The following CNTN4 variants were observed in gnomAD, a reference collection of about 807,000 sequenced individuals.
CNTN4 encodes the protein contactin 4.
In CNTN4, 77 loss-of-function variants were observed where a neutral mutation model predicts 122.5. The ratio of observed to expected loss-of-function variants is 0.63; its 90% CI spans 0.52 to 0.76. CNTN4 has a LOEUF of 0.76. Among genes scored for constraint, CNTN4 ranks in the 30% least tolerant of loss-of-function variants. The probability of loss-of-function intolerance (pLI) is 0.00; values close to 1 mark genes in which losing one functional copy is unlikely to be tolerated. For missense variants in CNTN4, 1,256 were observed against 1,259.1 expected (o/e 1.00, Z 0.04); for synonymous variants, 512 against 447.0 (o/e 1.15, Z -1.83).
At position 2,780,518 on chromosome 3, in the gene CNTN4, A is replaced by C. The variant is rs145484522; in HGVS notation, c.358+34821A>C. Among the ~76,000 whole-genome samples, 958 of 152,354 alleles carry C rather than the reference A, an allele frequency of 6.3e-3. 5 individuals are homozygous for C. Among genetic ancestry groups the C allele is most frequent in the Non-Finnish European group, 0.01 (690 of 68,034 alleles). On this transcript the variant is annotated intron_variant, in intron 6 of 24. Coordinates refer to ENST00000418658, the MANE Select transcript of CNTN4 (RefSeq NM_175607.3). The stretch of plus-strand genomic sequence containing the variant: ...TTTTAAGTAGTTTCTCCAGAAAATA[A>C]TCTGGATTTTAAGCTTCTCTTAAAG...
intron 3 of CNTN4, among the ~76,000 whole-genome samples, chr3:2,548,435 C>G (rs1456537401): frequency 1.3e-5 from 2 of 152,124 alleles, no homozygotes; most frequent in East Asian, 3.9e-4. Flanking sequence ...ATAGGGAATC[C>G]TTTCCCCATT....
chr3:2,327,896 G>A (rs1161623904), intron 2 of CNTN4, among the ~76,000 whole-genome samples: 1 of 152,068 alleles, frequency 6.6e-6, no homozygotes, highest in Non-Finnish European at 1.5e-5. Context: ...AACAGCCAAA[G>A]CAGACCATAC....
intron 3 of CNTN4, among the ~76,000 whole-genome samples, chr3:2,516,745 A>G (rs1281140242): frequency 6.6e-6 from 1 of 152,148 alleles, no homozygotes; most frequent in Non-Finnish European, 1.5e-5. Flanking sequence ...GCAAAGGAAT[A>G]AAGTGTTTCT....
intron 3 of CNTN4, among the ~76,000 whole-genome samples, chr3:2,485,949 G>A (rs577789176): frequency 4.1e-4 from 63 of 152,286 alleles, no homozygotes; most frequent in South Asian, 3.7e-3. Flanking sequence ...GTGGCAACCC[G>A]CGCAGGTGCC....
At chr3:2,612,014 G>GA (rs139425821) in intron 4 of CNTN4, among the ~76,000 whole-genome samples, 105,177 of 151,654 alleles carry the variant, frequency 0.69, 37,348 homozygotes, top group African/African-American at 0.77. Flanking sequence ...AATATTCTCA[G>GA]GTGGTAACAT....
intron 7 of CNTN4, among the ~76,000 whole-genome samples, chr3:2,844,327 G>A (rs529451818): frequency 3.3e-5 from 5 of 152,176 alleles, no homozygotes; most frequent in African/African-American, 9.6e-5. Flanking sequence ...AGAATTTCAC[G>A]GTTGTACTTT....
chr3:2,169,499 C>CG (rs1317807471), intron 2 of CNTN4, among the ~76,000 whole-genome samples: 16 of 151,796 alleles, frequency 1.1e-4, no homozygotes, highest in African/African-American at 3.4e-4. Flanking sequence ...CTCCGCCTCC[C>CG]GGGTTCCCGC....
At chr3:2,677,201 C>CTCTCTA (rs1228341217) in intron 4 of CNTN4, among the ~76,000 whole-genome samples, 37 of 149,432 alleles carry the variant, frequency 2.5e-4, no homozygotes, top group Non-Finnish European at 1.3e-4. Context: ...ATATCTCTCT[C>CTCTCTA]TATATATGTA....
At chr3:2,716,474 G>A (rs1008220906) in intron 4 of CNTN4, among the ~76,000 whole-genome samples, 3 of 152,028 alleles carry the variant, frequency 2.0e-5, no homozygotes, top group South Asian at 4.2e-4. Context: ...AAACTGGGTA[G>A]TTCATAGATG....
At chr3:2,574,370 T>C (rs767273656) in intron 4 of CNTN4, among the ~76,000 whole-genome samples, 6 of 152,200 alleles carry the variant, frequency 3.9e-5, no homozygotes, top group Admixed American at 6.5e-5. Context: ...CCATAATTAG[T>C]GACTCTCACA....
chr3:2,301,293 T>G (rs2150071892), intron 2 of CNTN4, among the ~76,000 whole-genome samples: 1 of 152,372 alleles, frequency 6.6e-6, no homozygotes, highest in East Asian at 1.9e-4. Flanking sequence ...TGGTCTGCAT[T>G]ATATTTCTTC....
At chr3:2,192,839 T>A (rs1162569048) in intron 2 of CNTN4, among the ~76,000 whole-genome samples, 2 of 152,152 alleles carry the variant, frequency 1.3e-5, no homozygotes, top group African/African-American at 4.8e-5. Context: ...AAATAAATAA[T>A]GAGGTCAAAC....
intron 3 of CNTN4, among the ~76,000 whole-genome samples, chr3:2,487,795 A>G (rs1379880910): frequency 1.3e-5 from 2 of 152,170 alleles, no homozygotes; most frequent in Admixed American, 6.5e-5. Context: ...CCAATCTCCT[A>G]TTGTATTTGG....
intron 2 of CNTN4, among the ~76,000 whole-genome samples, chr3:2,272,815 T>G (rs992579790): frequency 1.9e-5 from 2 of 104,884 alleles, no homozygotes; most frequent in East Asian, 5.5e-4. Context: ...AGAGCCTTTT[T>G]TTTTTTATTT....
intron 2 of CNTN4, among the ~76,000 whole-genome samples, chr3:2,235,241 A>G (rs950098079): frequency 3.3e-5 from 5 of 152,184 alleles, no homozygotes; most frequent in Admixed American, 3.3e-4. Flanking sequence ...ATCAATTTGT[A>G]CATTTATCAA....
At chr3:2,747,949 G>A (rs1027690701) in intron 6 of CNTN4, among the ~76,000 whole-genome samples, 1 of 152,144 alleles carries the variant, frequency 6.6e-6, no homozygotes, top group Admixed American at 6.5e-5. Flanking sequence ...CTTTAAAGAT[G>A]CTGGTTACTC....
intron 3 of CNTN4, among the ~76,000 whole-genome samples, chr3:2,571,069 A>G (rs1325440050): frequency 1.3e-5 from 2 of 151,404 alleles, no homozygotes. Context: ...TTTTTTTTTA[A>G]CTAATTGGAA....
chr3:2,515,031 G>A (rs1477149984), intron 3 of CNTN4, among the ~76,000 whole-genome samples: 1 of 151,068 alleles, frequency 6.6e-6, no homozygotes, highest in Non-Finnish European at 1.5e-5. Context: ...TTTTTCATCA[G>A]TTAATTGTCC....
chr3:2,434,346 A>G (rs1408430344), intron 3 of CNTN4, among the ~76,000 whole-genome samples: 1 of 152,180 alleles, frequency 6.6e-6, no homozygotes, highest in Non-Finnish European at 1.5e-5. Context: ...ATCTGTTTAA[A>G]AACAAAAAAG....
Sources: allele counts gnomAD v4.1 joint callset (sites outside exome capture counted in the v4.1 genomes callset), GRCh38; gene constraint gnomAD v4.1.1; transcripts MANE v1.5; gene names NCBI Gene and HGNC (gene_info 2026-07-23, HGNC 2026-07-21).